ABLIM2: variants seen among roughly 807,000 people sequenced by gnomAD.
ABLIM2 encodes actin-binding LIM protein 2.
ABLIM2 carries 53 observed loss-of-function variants against 97.7 expected under a neutral mutation model. That is an observed-to-expected ratio of 0.54 (90% CI 0.44 to 0.68). The LOEUF (loss-of-function observed/expected upper bound fraction) is 0.68. Among genes scored for constraint, ABLIM2 ranks in the 30% least tolerant of loss-of-function variants. The pLI is 0.00. For synonymous variants in ABLIM2, 361 were observed against 345.8 expected (o/e 1.04, Z -0.49); for missense variants, 835 against 867.2 (o/e 0.96, Z 0.47).
chr4:8,143,470 C>T (rs2152949209), intron 1 of ABLIM2, among the ~76,000 whole-genome samples: 1 of 152,242 alleles, frequency 6.6e-6, no homozygotes, highest in African/African-American at 2.4e-5. Context: ...GGATGAAATT[C>T]CTCAAACACA....
In ABLIM2 at chr4:8,020,280, G is replaced by C. The variant is rs781362001; in HGVS notation, c.1291C>G (p.Pro431Ala). 1 of 1,613,804 alleles carries C rather than the reference G, an allele frequency of 6.2e-7. No individual in the cohort carries two copies. Among genetic ancestry groups the C allele is most frequent in the South Asian group, 1.1e-5 (1 of 91,004 alleles). ...FRGSESGRST[P>A]SLSVLSDSKP... Reference sequence around the variant, plus strand: ...CTGTCAGAGAGCACGGAGAGGCTGGGGGTGCTCCGGCCACTTTCACTGCCT... The same window carrying C: ...CTGTCAGAGAGCACGGAGAGGCTGGCGGTGCTCCGGCCACTTTCACTGCCT... Residue 431 changes from proline (P) to alanine (A), a missense_variant, in exon 13 of 21, where the codon CCC becomes GCC. Coordinates refer to ENST00000447017, the MANE Select transcript of ABLIM2 (RefSeq NM_001130083.2).
At chr4:8,106,910 G>A (rs1307002977) in intron 1 of ABLIM2, among the ~76,000 whole-genome samples, 1 of 152,224 alleles carries the variant, frequency 6.6e-6, no homozygotes, top group South Asian at 2.1e-4. Context: ...ATGCAGGGAG[G>A]GGCCCGTGCT....
In ABLIM2 at chr4:8,071,922, C is replaced by A. The variant is rs374374454; in HGVS notation, c.675+5706G>T. On this transcript the variant is annotated intron_variant, in intron 6 of 20. Coordinates refer to ENST00000447017, the MANE Select transcript of ABLIM2 (RefSeq NM_001130083.2). The surrounding 1 kb of genome is among the most constrained non-coding windows in gnomAD (Gnocchi z 6.2). The stretch of plus-strand genomic sequence containing the variant: ...GCCCTGGGAGTCCACTGTCACCCAG[C>A]GGGGCACCGGCACACTGGGCCGAGC... 1.2e-5 allele frequency: 12 copies of A among 985,314 alleles called. No homozygotes were observed. The highest frequency in any genetic ancestry group is 1.4e-5 in the Non-Finnish European group (12 of 829,986). The allele number at this position is 985,314 out of a possible 1,614,324, so 61.0% of individuals were successfully genotyped here.
chr4:8,152,354 G>C (rs777022087), intron 1 of ABLIM2, among the ~76,000 whole-genome samples: 2 of 152,160 alleles, frequency 1.3e-5, no homozygotes, highest in African/African-American at 4.8e-5. Context: ...CACCAGACGG[G>C]ACTCGCAGGC....
chr4:7,974,095 T>C (rs1311317222), intron 20 of ABLIM2, among the ~76,000 whole-genome samples: 1 of 152,194 alleles, frequency 6.6e-6, no homozygotes, highest in Non-Finnish European at 1.5e-5. Flanking sequence ...CATTGCAGAA[T>C]TGCCAGCCTG....
At chr4:8,063,067 G>A (rs955867518) in intron 6 of ABLIM2, among the ~76,000 whole-genome samples, 2 of 152,056 alleles carry the variant, frequency 1.3e-5, no homozygotes, top group East Asian at 1.9e-4. Flanking sequence ...ACACTGCTGG[G>A]ACAGCTTCTT....
intron 18 of ABLIM2, 54 bp downstream of exon 18, chr4:7,984,785 G>T: frequency 6.6e-7 from 1 of 1,516,248 alleles, no homozygotes; most frequent in Non-Finnish European, 8.9e-7. Context: ...CTTGTGGAAT[G>T]TGTTAGCGAC....
intron 7 of ABLIM2, among the ~76,000 whole-genome samples, chr4:8,056,112 CAAAAAAAAAAA>C (rs60992903): frequency 0.39 from 27,072 of 68,726 alleles, 4,045 homozygotes; most frequent in East Asian, 0.65. Flanking sequence ...GACTCTGTCT[CAAAAAAAAAAA>C]AAAAAAAAAA....
intron 3 of ABLIM2, among the ~76,000 whole-genome samples, chr4:8,088,772 A>G (rs1825470746): frequency 6.6e-6 from 1 of 152,230 alleles, no homozygotes. Flanking sequence ...ACCCCACGCC[A>G]TTCAACCTAG....
chr4:7,983,408 G>A (rs1284574108), intron 19 of ABLIM2, 64 bp from the exon 20 acceptor site: 1 of 1,583,508 alleles, frequency 6.3e-7, no homozygotes, highest in Admixed American at 1.8e-5. Context: ...CCAAAGAACT[G>A]AGCAGAAGGT....
At position 8,032,898 on chromosome 4, in the gene ABLIM2, C is replaced by T. The variant is rs183968926; in HGVS notation, c.1048-3122G>A. Among the ~76,000 whole-genome samples the T allele has an allele frequency of 4.6e-5, 7 of 152,288 alleles. No individual in the cohort carries two copies. In the East Asian group the frequency reaches 1.2e-3, roughly 25 times the overall value. On this transcript the variant is annotated intron_variant, in intron 10 of 20. Coordinates refer to ENST00000447017, the MANE Select transcript of ABLIM2 (RefSeq NM_001130083.2). This position sits in a 1 kb window ranked among gnomAD's most constrained non-coding sequence, Gnocchi z 4.3. ...AATTCTTCCCAGAGAAAGAGGCCCC[C>T]GGGGAAACTGATTTCGTGCCAATGA... is the stretch of plus-strand genomic sequence containing the variant.
chr4:7,997,521 C>G (rs943555901), intron 16 of ABLIM2, among the ~76,000 whole-genome samples: 1 of 152,116 alleles, frequency 6.6e-6, no homozygotes. Flanking sequence ...AATTTCTGCT[C>G]TGTCTTCAAG....
intron 1 of ABLIM2, among the ~76,000 whole-genome samples, chr4:8,133,670 A>C (rs932762406): frequency 4.6e-5 from 7 of 152,150 alleles, no homozygotes; most frequent in African/African-American, 1.4e-4. Context: ...TGCTCTGCAC[A>C]CACCTAGGCT....
chr4:8,030,659 G>A (rs1469909480), intron 10 of ABLIM2, among the ~76,000 whole-genome samples: 1 of 152,164 alleles, frequency 6.6e-6, no homozygotes, highest in South Asian at 2.1e-4. Flanking sequence ...TCCCTTTGGC[G>A]ACTGTCTAAC....
chr4:8,109,264 G>A (rs1300137533), intron 1 of ABLIM2, among the ~76,000 whole-genome samples: 1 of 152,256 alleles, frequency 6.6e-6, no homozygotes, highest in Non-Finnish European at 1.5e-5. Context: ...AGGTGATGGG[G>A]CATGGCCCAC....
chr4:8,007,888 C>T, intron 16 of ABLIM2, 171 bp downstream of exon 16: 3 of 1,422,218 alleles, frequency 2.1e-6, no homozygotes, highest in Non-Finnish European at 2.7e-6. Context: ...AGCCGGCAAA[C>T]TGCAAAAGCC....
intron 1 of ABLIM2, among the ~76,000 whole-genome samples, chr4:8,119,191 G>A (rs1844147131): frequency 6.6e-6 from 1 of 152,138 alleles, no homozygotes; most frequent in South Asian, 2.1e-4. Context: ...AGGGTGGGGT[G>A]TGGGGCTGAA....
At chr4:8,073,171 G>A (rs1057425453) in intron 6 of ABLIM2, among the ~76,000 whole-genome samples, 1 of 151,572 alleles carries the variant, frequency 6.6e-6, no homozygotes, top group African/African-American at 2.4e-5. Flanking sequence ...ACGGCAGAGG[G>A]GGCGATGGCC....
rs929318170 is a variant in ABLIM2, at chr4:8,128,105, C to A, written c.11-21468G>T. ...AGGGAGCTCAGGCTGCCTCTTCCCG[C>A]TGCTGGTGGCTCCAGGCGCCCTTTG... is the stretch of plus-strand genomic sequence containing the variant. On this transcript the variant is annotated intron_variant, in intron 1 of 20. Transcript: ENST00000447017. The surrounding 1 kb of genome is among the most constrained non-coding windows in gnomAD (Gnocchi z 4.9). 1.3e-5 allele frequency among the ~76,000 whole-genome samples: 2 copies of A among 152,236 alleles called. No individual in the cohort carries two copies.
Sources: allele counts gnomAD v4.1 joint callset (sites outside exome capture counted in the v4.1 genomes callset), GRCh38; gene constraint gnomAD v4.1.1; non-coding constraint Gnocchi (gnomAD v3.1); transcripts MANE v1.5; gene names NCBI Gene and HGNC (gene_info 2026-07-23, HGNC 2026-07-21).